The following XIRP2 variants were observed in gnomAD, a reference collection of about 807,000 sequenced individuals.
The protein encoded by XIRP2 is xin actin-binding repeat-containing protein 2.
In XIRP2, 236 loss-of-function variants were observed where a neutral mutation model predicts 277.0. The observed-to-expected ratio is 0.85, with a 90% confidence interval of 0.77 to 0.95. The LOEUF (loss-of-function observed/expected upper bound fraction) is 0.95. Ranked by LOEUF, XIRP2 falls within the 40% of genes least tolerant of loss-of-function variation. The pLI, the probability that XIRP2 is intolerant of heterozygous loss-of-function variation, is 0.00. For synonymous variants in XIRP2, 1,490 were observed against 1,416.5 expected, an observed-to-expected ratio of 1.05 and a Z score of -1.17; for missense variants, 4,640 against 4,157.5, an observed-to-expected ratio of 1.12 and a Z score of -3.19.
intron 3 of XIRP2, among the ~76,000 whole-genome samples, chr2:167,204,592 T>C (rs916992875): frequency 4.6e-5 from 7 of 152,194 alleles, no homozygotes; most frequent in Non-Finnish European, 8.8e-5. Flanking sequence ...CTCTATCTCC[T>C]GGTATGATTG....
Position 167,243,892 on chromosome 2 carries a change from A to G in XIRP2, c.2500A>G (p.Ile834Val), listed in dbSNP as rs1446175513. 15 of 1,613,898 alleles carry G rather than the reference A, an allele frequency of 9.3e-6. No individual in the cohort carries two copies. The highest frequency in any genetic ancestry group is 1.1e-5 in the Non-Finnish European group (13 of 1,179,964). ...EEVIIEKEKI[I>V]GTDVSRKCWM... ...GGTCATCATTGAAAAGGAAAAAATA[A>G]TAGGTACAGATGTCTCCAGAAAGTG... is the stretch of plus-strand genomic sequence containing the variant. The change falls in exon 9 of 11, where the codon ATA (isoleucine) becomes GTA (valine). Residue 834 changes from isoleucine to valine, a missense_variant. Ile to Val is a conservative substitution (Grantham distance 29, BLOSUM62 3). Transcript: ENST00000409195.
At chr2:166,929,252 T>C (rs1228307300) in intron 2 of XIRP2, among the ~76,000 whole-genome samples, 1 of 152,118 alleles carries the variant, frequency 6.6e-6, no homozygotes, top group African/African-American at 2.4e-5. Flanking sequence ...TTAGACCAGA[T>C]ATGTTTTCCA....
intron 2 of XIRP2, among the ~76,000 whole-genome samples, chr2:167,071,985 G>T (rs1689448923): frequency 6.6e-6 from 1 of 152,166 alleles, no homozygotes; most frequent in Non-Finnish European, 1.5e-5. Context: ...ACTGTACTGA[G>T]AAATAATTAG....
chr2:167,187,236 C>A, intron 3 of XIRP2: 3 of 985,226 alleles, frequency 3.0e-6, no homozygotes, highest in African/African-American at 1.7e-5. Context: ...GGCAGAGTGG[C>A]CTCAGAGACA....
rs750659701 is a variant in XIRP2, at chr2:167,242,642, C to A, written c.1250C>A (p.Thr417Asn). The change falls in exon 9 of 11, where the codon ACC becomes AAC. Residue 417 changes from threonine (T) to asparagine (N), a missense_variant. Transcript: ENST00000409195. ...ACCTCTTCCACTTCTTGCGTTTCAACCAGCCAGAGGAAGGAAACATCAACT... is the reference window on the plus strand; with the variant it reads ...ACCTCTTCCACTTCTTGCGTTTCAAACAGCCAGAGGAAGGAAACATCAACT... ...VSTSSTSCVS[T>N]SQRKETSTTR... is the part of the protein sequence containing the mutation. 3.7e-6 allele frequency: 6 copies of A among 1,613,954 alleles called. No homozygotes were observed. Among genetic ancestry groups the A allele is most frequent in the Admixed American group, 1.7e-5 (1 of 60,004 alleles).
chr2:167,246,735 T>G lies in XIRP2; in HGVS notation c.5343T>G (p.Ile1781Met), dbSNP rs749923060. 6.2e-7 allele frequency: 1 copy of G among 1,613,680 alleles called. No homozygotes were observed. The highest frequency in any genetic ancestry group is 8.5e-7 in the Non-Finnish European group (1 of 1,179,790). Residue 1781 changes from isoleucine to methionine, a missense_variant, in exon 9 of 11, where the codon ATT becomes ATG. Ile to Met is a conservative substitution (Grantham distance 10, BLOSUM62 1). Transcript: ENST00000409195. ...AACAAGAAGGAGAGAAAGAAATCAT[T>G]GGTGGTGATGTTGAAGGTACAAAAC... ...AKKQEGEKEIIGGDVEGTKLL... is the reference protein window; with the variant it reads ...AKKQEGEKEIMGGDVEGTKLL...
At chr2:167,190,631 A>G (rs1559013837) in intron 3 of XIRP2, among the ~76,000 whole-genome samples, 2 of 152,140 alleles carry the variant, frequency 1.3e-5, no homozygotes, top group South Asian at 2.1e-4. Flanking sequence ...TAACTAAACT[A>G]TTTTTCCATT....
chr2:166,923,298 G>A (rs920679764), intron 2 of XIRP2, among the ~76,000 whole-genome samples: 1 of 151,948 alleles, frequency 6.6e-6, no homozygotes, highest in African/African-American at 2.4e-5. Flanking sequence ...GGAATTATTT[G>A]GTATATTGCT....
intron 2 of XIRP2, among the ~76,000 whole-genome samples, chr2:166,943,621 G>C (rs1179142975): frequency 2.0e-5 from 3 of 152,208 alleles, no homozygotes; most frequent in Non-Finnish European, 4.4e-5. Flanking sequence ...ACTGAAGTCA[G>C]GGCAAAAAGA....
intron 2 of XIRP2, among the ~76,000 whole-genome samples, chr2:167,108,664 A>C (rs1690668987): frequency 6.6e-6 from 1 of 152,098 alleles, no homozygotes; most frequent in African/African-American, 2.4e-5. Flanking sequence ...GGAAAATATA[A>C]AACTTAAGAA....
rs74709062 is a variant in XIRP2 at position 167,072,979 on chromosome 2, G to A, written c.409-62930G>A. On this transcript the variant is annotated intron_variant, in intron 2 of 10. Transcript: ENST00000409195. ...CCTACTGATTAACCAAAAAGAAAAC[G>A]ATAAAAGTAAAATTTTGAAACAACT... Among the ~76,000 whole-genome samples the A allele has an allele frequency of 7.2e-3, 1,100 of 152,076 alleles. 4 individuals carry two copies. Among genetic ancestry groups the A allele is most frequent in the Middle Eastern group, 0.017 (5 of 292 alleles).
intron 2 of XIRP2, among the ~76,000 whole-genome samples, chr2:167,018,490 G>C (rs1351348399): frequency 6.6e-6 from 1 of 151,960 alleles, no homozygotes; most frequent in Non-Finnish European, 1.5e-5. Context: ...TAAGAAACCT[G>C]ACATCCAAGA....
intron 2 of XIRP2, among the ~76,000 whole-genome samples, chr2:167,070,986 T>C (rs1187045395): frequency 6.6e-6 from 1 of 152,224 alleles, no homozygotes; most frequent in Non-Finnish European, 1.5e-5. Flanking sequence ...TTACATACTA[T>C]TATCACTGAT....
intron 2 of XIRP2, among the ~76,000 whole-genome samples, chr2:167,049,111 C>CAT (rs1688857431): frequency 6.6e-6 from 1 of 151,446 alleles, no homozygotes; most frequent in South Asian, 2.1e-4. Flanking sequence ...TTCTTTTTCT[C>CAT]TCTGTGTCTT....
chr2:167,052,860 T>G (rs1451676114), intron 2 of XIRP2, among the ~76,000 whole-genome samples: 2 of 152,220 alleles, frequency 1.3e-5, no homozygotes, highest in Non-Finnish European at 2.9e-5. Flanking sequence ...AGGGACTTAG[T>G]CTTCTTAAAA....
intron 3 of XIRP2, among the ~76,000 whole-genome samples, chr2:167,200,723 G>A (rs555966329): frequency 2.0e-5 from 3 of 152,134 alleles, no homozygotes; most frequent in South Asian, 4.1e-4. Context: ...GAGCATGACT[G>A]ACTATAATGG....
intron 2 of XIRP2, among the ~76,000 whole-genome samples, chr2:166,923,202 G>A (rs1445058437): frequency 6.6e-6 from 1 of 152,036 alleles, no homozygotes; most frequent in Admixed American, 6.6e-5. Flanking sequence ...TAGCTTTCAT[G>A]TTTGAACGGT....
Position 167,245,193 on chromosome 2 carries a change from A to T in XIRP2, c.3801A>T (p.Ile1267=). ...GDECVKTVTD[I]QGGDVRKGCF... ...AATGTGTTAAGACGGTGACAGACAT[A>T]CAAGGTGGGGATGTAAGAAAGGGGT... The change falls in exon 9 of 11, where the codon ATA becomes ATT. Residue 1267 remains isoleucine, a synonymous_variant. Transcript: ENST00000409195. The T allele has an allele frequency of 6.2e-7, 1 of 1,613,554 alleles. No individual in the cohort carries two copies. Among genetic ancestry groups the T allele is most frequent in the Non-Finnish European group, 8.5e-7 (1 of 1,179,696 alleles).
chr2:167,178,038 A>G (rs889092528), intron 3 of XIRP2, among the ~76,000 whole-genome samples: 1 of 138,036 alleles, frequency 7.2e-6, no homozygotes, highest in Non-Finnish European at 1.5e-5. Context: ...AGTAAAAACA[A>G]AAAAAAAAAA....
Sources: gnomAD v4.1 joint callset for allele counts (sites outside exome capture counted in the v4.1 genomes callset) on GRCh38, gnomAD v4.1.1 for gene constraint, MANE v1.5 for transcripts, NCBI Gene and HGNC (gene_info 2026-07-23, HGNC 2026-07-21) for gene names.